The following CLIP4 variants were observed in gnomAD, a reference collection of about 807,000 sequenced individuals.
CLIP4 encodes the protein CAP-Gly domain containing linker protein family member 4, also known as CAP-Gly domain-containing linker protein 4.
In CLIP4, 47 loss-of-function variants were observed where a neutral mutation model predicts 73.1. The observed-to-expected ratio is 0.64, with a 90% confidence interval of 0.51 to 0.82. The LOEUF (loss-of-function observed/expected upper bound fraction) is 0.82, where lower values mean the gene tolerates loss of function less well. CLIP4 is among the 40% of genes least tolerant of loss of function. The pLI is 0.00. For missense variants in CLIP4, 874 were observed against 852.9 expected (o/e 1.02, Z -0.31); for synonymous variants, 306 against 295.4 (o/e 1.04, Z -0.37).
intron 8 of CLIP4, among the ~76,000 whole-genome samples, chr2:29,148,625 C>G (rs759875436): frequency 1.3e-5 from 2 of 152,172 alleles, no homozygotes; most frequent in Non-Finnish European, 2.9e-5. Context: ...TTTTTCAACT[C>G]TTTTAGCTGT....
At chr2:29,180,637 T>G (rs974642031) in intron 15 of CLIP4, among the ~76,000 whole-genome samples, 1 of 152,200 alleles carries the variant, frequency 6.6e-6, no homozygotes, top group Non-Finnish European at 1.5e-5. Context: ...TGAAAAAATA[T>G]TTTTTAAAGT....
At chr2:29,181,524 C>G in intron 15 of CLIP4, 48 bp from the exon 16 acceptor site, 1 of 1,445,530 alleles carries the variant, frequency 6.9e-7, no homozygotes, top group Non-Finnish European at 9.4e-7. Context: ...CATTGCATTA[C>G]GTGGCTTCAG....
chr2:29,145,223 T>A lies in CLIP4; in HGVS notation c.886-9T>A. On this transcript the variant is annotated splice_polypyrimidine_tract_variant and intron_variant, in intron 7 of 15. Coordinates refer to ENST00000320081, the MANE Select transcript of CLIP4 (RefSeq NM_024692.6). ...TCCCCAAAATTATTCTGGTTTATAT[T>A]TTCTTTAGGTTGGTACATTAAGATT... 4 of 1,609,884 alleles carry A rather than the reference T, an allele frequency of 2.5e-6. No homozygotes were observed. Among genetic ancestry groups the A allele is most frequent in the Non-Finnish European group, 3.4e-6 (4 of 1,178,206 alleles).
At chr2:29,145,090 A>G (rs2147999844) in intron 7 of CLIP4, 142 bp from the exon 8 acceptor site, 2 of 604,918 alleles carry the variant, frequency 3.3e-6, no homozygotes, top group Non-Finnish European at 5.7e-6. Flanking sequence ...ATAAAAAGGT[A>G]ATGTTGAGAG....
At chr2:29,121,246 A>G in intron 1 of CLIP4, 128 bp from the exon 2 acceptor site, 2 of 968,294 alleles carry the variant, frequency 2.1e-6, no homozygotes, top group South Asian at 1.8e-5. Flanking sequence ...TTTCCCTTTC[A>G]TAAAAGATCC....
chr2:29,107,557 G>A (rs528241229), intron 1 of CLIP4, among the ~76,000 whole-genome samples: 1 of 150,942 alleles, frequency 6.6e-6, no homozygotes, highest in East Asian at 2.0e-4. Context: ...TATTTTTTTA[G>A]TAGAGACAGG....
rs757819996 is a variant in CLIP4 at position 29,163,819 on chromosome 2, T to A, written c.1535-12T>A. On this transcript the variant is annotated splice_polypyrimidine_tract_variant and intron_variant, in intron 12 of 15. Coordinates refer to ENST00000320081, the MANE Select transcript of CLIP4 (RefSeq NM_024692.6). The stretch of plus-strand genomic sequence containing the variant: ...GTACAGATGCTTTTGAAATGCAATA[T>A]TCATGTTCTAGGATATTGGTATGGT... 55 of 1,608,078 alleles carry A rather than the reference T, an allele frequency of 3.4e-5. No homozygotes were observed. Among genetic ancestry groups the A allele is most frequent in the Non-Finnish European group, 4.7e-5 (55 of 1,177,946 alleles).
At chr2:29,129,555 T>G (rs1162176799) in intron 2 of CLIP4, among the ~76,000 whole-genome samples, 1 of 152,096 alleles carries the variant, frequency 6.6e-6, no homozygotes, top group African/African-American at 2.4e-5. Context: ...TAAAAGAAGC[T>G]GGATCCAAAT....
At chr2:29,108,975 G>T (rs1210621360) in intron 1 of CLIP4, among the ~76,000 whole-genome samples, 1 of 152,116 alleles carries the variant, frequency 6.6e-6, no homozygotes, top group East Asian at 1.9e-4. Flanking sequence ...ATTCCCCTCA[G>T]CCATTTTTTG....
At chr2:29,121,036 A>G (rs1458240079) in intron 1 of CLIP4, among the ~76,000 whole-genome samples, 1 of 152,210 alleles carries the variant, frequency 6.6e-6, no homozygotes, top group Non-Finnish European at 1.5e-5. Flanking sequence ...AGATCCATCT[A>G]CAAGGGTTAA....
chr2:29,156,300 T>C (rs769959588), intron 9 of CLIP4, 54 bp from the exon 10 acceptor site: 76 of 1,243,964 alleles, frequency 6.1e-5, no homozygotes, highest in Non-Finnish European at 8.0e-5. Flanking sequence ...AAAAAATACA[T>C]TTTATGTTTA....
At chr2:29,123,715 A>G (rs1664413881) in intron 2 of CLIP4, among the ~76,000 whole-genome samples, 1 of 152,196 alleles carries the variant, frequency 6.6e-6, no homozygotes, top group Non-Finnish European at 1.5e-5. Flanking sequence ...AAGGAATTGG[A>G]GAGTAAGACA....
At chr2:29,135,357 T>A (rs553147461) in intron 5 of CLIP4, among the ~76,000 whole-genome samples, 191 bp from the exon 6 acceptor site, 17 of 152,356 alleles carry the variant, frequency 1.1e-4, no homozygotes, top group African/African-American at 4.1e-4. Flanking sequence ...TTTATTGTAC[T>A]AATAATCAAC....
At chr2:29,169,921 C>T (rs1667896033) in intron 14 of CLIP4, among the ~76,000 whole-genome samples, 1 of 152,164 alleles carries the variant, frequency 6.6e-6, no homozygotes, top group African/African-American at 2.4e-5. Flanking sequence ...CACCCACACA[C>T]ACCTCCCAGC....
At chr2:29,165,980 A>ATTCTTC (rs1667588831) in intron 13 of CLIP4, among the ~76,000 whole-genome samples, 10 of 151,706 alleles carry the variant, frequency 6.6e-5, no homozygotes, top group Admixed American at 2.6e-4. Context: ...TTCTTCAAAA[A>ATTCTTC]AAAAAAAATA....
rs146232028 is a variant in CLIP4, at chr2:29,164,162, T to A, written c.1658+208T>A. Among the ~76,000 whole-genome samples, 916 of 152,318 alleles carry A rather than the reference T, an allele frequency of 6.0e-3. 8 individuals carry two copies. Among genetic ancestry groups the A allele is most frequent in the African/African-American group, 0.021 (868 of 41,578 alleles). ...TTTGCAATTTTAAAAACCTCCTTTA[T>A]TCCTCATTTGCAAACCCTATGAGTA... On this transcript the variant is annotated intron_variant, in intron 13 of 15. Coordinates refer to ENST00000320081, the MANE Select transcript of CLIP4 (RefSeq NM_024692.6).
At chr2:29,150,160 A>G (rs1303714078) in intron 8 of CLIP4, among the ~76,000 whole-genome samples, 3 of 152,218 alleles carry the variant, frequency 2.0e-5, no homozygotes, top group African/African-American at 7.2e-5. Context: ...TGCTGCCTCC[A>G]GTGGTGTCTC....
chr2:29,167,993 A>C (rs1207473032), intron 14 of CLIP4: 3 of 152,326 alleles, frequency 2.0e-5, no homozygotes, highest in Non-Finnish European at 4.4e-5. Context: ...GTTCTTGTGC[A>C]CACTTGAGGA....
rs753602140 is a variant in CLIP4, at chr2:29,135,631, T to G, written c.613T>G (p.Cys205Gly). ...AYNLCAGAVK[C>G]LLEQGANPAF... Reference sequence around the variant, plus strand: ...CAACTTGTGTGCAGGTGCTGTGAAGTGCCTCTTGGAGCAGGGAGCAAATCC... The same window carrying G: ...CAACTTGTGTGCAGGTGCTGTGAAGGGCCTCTTGGAGCAGGGAGCAAATCC... The change falls in exon 6 of 16, where the codon TGC (cysteine) becomes GGC (glycine). Residue 205 changes from cysteine (C) to glycine (G), a missense_variant. Coordinates refer to ENST00000320081, the MANE Select transcript of CLIP4 (RefSeq NM_024692.6). 1 of 1,610,728 alleles carries G rather than the reference T, an allele frequency of 6.2e-7. No homozygotes were observed. Among genetic ancestry groups the G allele is most frequent in the Middle Eastern group, 1.7e-4 (1 of 6,044 alleles).
Sources: allele counts gnomAD v4.1 joint callset (sites outside exome capture counted in the v4.1 genomes callset), GRCh38; gene constraint gnomAD v4.1.1; transcripts MANE v1.5; gene names NCBI Gene and HGNC (gene_info 2026-07-23, HGNC 2026-07-21).